Variants in TBL1X observed in about 807,000 individuals in gnomAD.
TBL1X encodes F-box-like/WD repeat-containing protein TBL1X.
Under a neutral mutation model 50.7 loss-of-function variants are expected in TBL1X, and 10 were observed. That is an observed-to-expected ratio of 0.20 (90% CI 0.12 to 0.33). The LOEUF (loss-of-function observed/expected upper bound fraction) is 0.33, where lower values mean the gene tolerates loss of function less well. Among genes scored for constraint, TBL1X ranks in the 10% least tolerant of loss-of-function variants. The probability of loss-of-function intolerance (pLI) is 1.00; values close to 1 mark genes in which losing one functional copy is unlikely to be tolerated. For missense variants in TBL1X, 340 were observed against 504.4 expected (o/e 0.67, Z 3.12); for synonymous variants, 190 against 214.7 (o/e 0.88, Z 1.01).
intron 2 of TBL1X, among the ~76,000 whole-genome samples, chrX:9,560,963 C>G (rs996608717): frequency 1.8e-5 from 2 of 111,399 alleles, no homozygotes; most frequent in African/African-American, 6.5e-5. Context: ...GAAACATCTC[C>G]CACCCCAAGT....
rs1218253670 is a variant in TBL1X at position 9,717,251 on chromosome X, A to G, written c.*1005A>G. On this transcript the variant is annotated 3_prime_UTR_variant, in exon 18 of 18. Transcript: ENST00000645353. ...GAGAAAGAGCCTGGAGTATTTTTGG[A>G]AAAAAAAATAATATTTTTATGTTAA... The G allele has an allele frequency of 1.8e-5, 2 of 110,339 alleles. No homozygotes were observed. Among genetic ancestry groups the G allele is most frequent in the Admixed American group, 9.6e-5 (1 of 10,376 alleles). 9.1% of individuals were successfully genotyped at this position (110,339 alleles called of 1,213,427 possible).
At chrX:9,710,620 A>G (rs1378378655) in intron 15 of TBL1X, among the ~76,000 whole-genome samples, 1 of 112,601 alleles carries the variant, frequency 8.9e-6, no homozygotes, top group East Asian at 2.8e-4. Context: ...TGTTGAAAGA[A>G]AGCAAGCCAG....
intron 1 of TBL1X, among the ~76,000 whole-genome samples, chrX:9,494,588 TA>T: frequency 8.9e-6 from 1 of 112,173 alleles, no homozygotes. Context: ...AAAGTTTTTT[TA>T]AAAAATATTT....
rs1438812644 is a variant in TBL1X, at chrX:9,603,376, ATGCG to A, written c.-130-36894_-130-36891del. On this transcript the variant is annotated intron_variant, in intron 2 of 17. Coordinates refer to ENST00000645353, the MANE Select transcript of TBL1X (RefSeq NM_005647.4). Reference sequence around the variant, plus strand: ...TTATACTGTTTTAAAAGATCTGTAAATGCGTGTATGGCAGTGTGTATATTTAGCA... The same window carrying A: ...TTATACTGTTTTAAAAGATCTGTAAATGTATGGCAGTGTGTATATTTAGCA... 8.0e-5 allele frequency among the ~76,000 whole-genome samples: 9 copies of A among 112,735 alleles called. No homozygotes were observed. In the South Asian group the frequency reaches 3.3e-3, roughly 41 times the overall value.
intron 2 of TBL1X, among the ~76,000 whole-genome samples, chrX:9,605,320 A>C (rs2082577792): frequency 8.9e-6 from 1 of 112,408 alleles, no homozygotes; most frequent in Admixed American, 9.4e-5. Context: ...ACTCATAAAC[A>C]AGCTAAGCAC....
Position 9,638,219 on chromosome X carries a change from T to G in TBL1X, c.-130-2054T>G, listed in dbSNP as rs2082758055. The stretch of plus-strand genomic sequence containing the variant: ...ACAGAGGGCTACCAGAAAATTAGAA[T>G]CCCTTTTATATTTGTCACATATCAG... On this transcript the variant is annotated intron_variant, in intron 2 of 17. Transcript: ENST00000645353. 2.7e-5 allele frequency among the ~76,000 whole-genome samples: 3 copies of G among 111,587 alleles called. No individual in the cohort carries two copies. The South Asian group carries it at 1.1e-3, about 42-fold the overall frequency.
At chrX:9,680,569 C>G (rs1214332595) in intron 5 of TBL1X, among the ~76,000 whole-genome samples, 3 of 111,416 alleles carry the variant, frequency 2.7e-5, no homozygotes, top group Admixed American at 9.6e-5. Flanking sequence ...GACATTTTCT[C>G]CATCCAGCCC....
At chrX:9,469,172 G>A (rs977035567) in intron 1 of TBL1X, among the ~76,000 whole-genome samples, 2 of 110,849 alleles carry the variant, frequency 1.8e-5, no homozygotes, top group African/African-American at 3.3e-5. Context: ...TTTTTTGTTT[G>A]TTTGTTTGTT....
At chrX:9,663,247 A>G (rs1479073200) in intron 5 of TBL1X, among the ~76,000 whole-genome samples, 1 of 111,812 alleles carries the variant, frequency 8.9e-6, no homozygotes, top group African/African-American at 3.3e-5. Flanking sequence ...GTCTGACAAA[A>G]TCCAGTTATT....
Position 9,594,221 on chromosome X carries a change from T to A in TBL1X, c.-130-46052T>A, listed in dbSNP as rs1601781775. On this transcript the variant is annotated intron_variant, in intron 2 of 17. Coordinates refer to ENST00000645353, the MANE Select transcript of TBL1X (RefSeq NM_005647.4). ...ATTATGTTTATAAAATAGGGCACCT[T>A]GTCAAGATTAACTTGTGTGAAATTC... is the stretch of plus-strand genomic sequence containing the variant. Among the ~76,000 whole-genome samples, 5 of 112,844 alleles carry A rather than the reference T, an allele frequency of 4.4e-5. No individual in the cohort carries two copies. In the South Asian group the frequency reaches 1.1e-3, roughly 24 times the overall value.
chrX:9,465,751 C>T (rs1173881420), intron 1 of TBL1X, among the ~76,000 whole-genome samples: 1 of 112,742 alleles, frequency 8.9e-6, no homozygotes, highest in Non-Finnish European at 1.9e-5. Context: ...GGGAAGTGGC[C>T]GGTAAGTTTA....
At chrX:9,616,741 T>C (rs2082641297) in intron 2 of TBL1X, among the ~76,000 whole-genome samples, 1 of 112,270 alleles carries the variant, frequency 8.9e-6, no homozygotes, top group Non-Finnish European at 1.9e-5. Context: ...TACAGTATGT[T>C]GCTTTCCAGG....
chrX:9,707,574 T>C (rs1473287526), intron 13 of TBL1X, among the ~76,000 whole-genome samples: 1 of 112,305 alleles, frequency 8.9e-6, no homozygotes, highest in East Asian at 2.8e-4. Flanking sequence ...GGGCTTGCAT[T>C]GCAGAGCTAG....
At chrX:9,518,675 G>A (rs2082092638) in intron 2 of TBL1X, among the ~76,000 whole-genome samples, 1 of 111,502 alleles carries the variant, frequency 9.0e-6, no homozygotes, top group South Asian at 3.8e-4. Flanking sequence ...TGAGAAGAGA[G>A]GAGGCTGGGT....
intron 3 of TBL1X, among the ~76,000 whole-genome samples, chrX:9,642,784 A>G (rs1432067414): frequency 1.8e-5 from 2 of 112,720 alleles, no homozygotes; most frequent in African/African-American, 6.4e-5. Flanking sequence ...CTGCCATTGC[A>G]GTGTGAAAGC....
chrX:9,616,950 C>T (rs1187748655), intron 2 of TBL1X, among the ~76,000 whole-genome samples: 1 of 111,635 alleles, frequency 9.0e-6, no homozygotes, highest in East Asian at 2.8e-4. Context: ...TTTCCTTATA[C>T]TTATGGTGAA....
intron 5 of TBL1X, among the ~76,000 whole-genome samples, chrX:9,671,910 G>C (rs2082962606): frequency 8.9e-6 from 1 of 112,574 alleles, no homozygotes; most frequent in African/African-American, 3.2e-5. Context: ...TTACATTCCA[G>C]ATGTTCATAA....
chrX:9,683,869 C>G (rs1229772089), intron 5 of TBL1X, 174 bp from the exon 6 acceptor site: 17 of 641,788 alleles, frequency 2.6e-5, no homozygotes, highest in Non-Finnish European at 4.2e-5. Flanking sequence ...TCTCCCTGCC[C>G]TTTCCCACCT....
chrX:9,514,143 C>T (rs1030572190), intron 2 of TBL1X, among the ~76,000 whole-genome samples: 4 of 111,423 alleles, frequency 3.6e-5, no homozygotes, highest in East Asian at 2.9e-4. Context: ...AGCATCCTAC[C>T]GTGCACAGAG....
Sources: gnomAD v4.1 joint callset for allele counts (sites outside exome capture counted in the v4.1 genomes callset) on GRCh38, gnomAD v4.1.1 for gene constraint, MANE v1.5 for transcripts, NCBI Gene and HGNC (gene_info 2026-07-23, HGNC 2026-07-21) for gene names.